DYNC2H1: variants seen among roughly 807,000 people sequenced by gnomAD.
DYNC2H1 encodes the protein dynein cytoplasmic 2 heavy chain 1, also known as cytoplasmic dynein 2 heavy chain 1.
A neutral mutation model predicts 570.0 loss-of-function variants in DYNC2H1; 410 were observed. The observed-to-expected ratio is 0.72, with a 90% confidence interval of 0.66 to 0.78. The LOEUF (loss-of-function observed/expected upper bound fraction) is 0.78, where lower values mean the gene tolerates loss of function less well. DYNC2H1 is among the 30% of genes least tolerant of loss of function. The pLI, the probability that DYNC2H1 is intolerant of heterozygous loss-of-function variation, is 0.00. For missense variants in DYNC2H1, 4,865 were observed against 5,046.4 expected (o/e 0.96, Z 1.09); for synonymous variants, 1,688 against 1,677.6 (o/e 1.01, Z -0.15).
Position 103,325,612 on chromosome 11 carries a change from G to C in DYNC2H1, c.12039+1622G>C, listed in dbSNP as rs931026561. Among the ~76,000 whole-genome samples, 1 of 152,062 alleles carries C rather than the reference G, an allele frequency of 6.6e-6. No homozygotes were observed. The highest frequency in any genetic ancestry group is 2.4e-5 in the African/African-American group (1 of 41,396). ...TTCTCTTTGTGGAGATCTTTCACCT[G>C]TATACTGCTGTTAATACTTCTGATT... On this transcript the variant is annotated intron_variant, in intron 82 of 88. Transcript: ENST00000375735. The surrounding 1 kb of genome is among the most constrained non-coding windows in gnomAD (Gnocchi z 4.8).
At chr11:103,396,944 A>C (rs1181996911) in intron 83 of DYNC2H1, among the ~76,000 whole-genome samples, 1 of 152,202 alleles carries the variant, frequency 6.6e-6, no homozygotes, top group Non-Finnish European at 1.5e-5. Context: ...GGACATACAA[A>C]GTGGAATAAT....
Position 103,287,616 on chromosome 11 carries a change from T to C in DYNC2H1, c.11095+11T>C. The C allele has an allele frequency of 6.2e-7, 1 of 1,604,190 alleles. No homozygotes were observed. The highest frequency in any genetic ancestry group is 8.5e-7 in the Non-Finnish European group (1 of 1,175,954). ...CATGTAAAACTCTGGGTAAGTGTGA[T>C]GCTTTTCAAGAACTAGACCACTGAC... On this transcript the variant is annotated intron_variant, in intron 75 of 88. Transcript: ENST00000375735.
intron 79 of DYNC2H1, among the ~76,000 whole-genome samples, chr11:103,316,292 C>T (rs1159860219): frequency 6.6e-6 from 1 of 151,736 alleles, no homozygotes; most frequent in African/African-American, 2.4e-5. Flanking sequence ...TCAGTTTGTT[C>T]TCTATGATTG....
rs746329488 is a variant in DYNC2H1, at chr11:103,184,852, A to G, written c.6478-44A>G. 1.4e-5 allele frequency: 23 copies of G among 1,605,400 alleles called. No individual in the cohort carries two copies. In the African/African-American group the frequency reaches 2.0e-4, roughly 14 times the overall value. On this transcript the variant is annotated intron_variant, in intron 40 of 88. Transcript: ENST00000375735. ...TGTATGGTTCTATGTTTACTGGTTAATAGTTGCCTTTTGTCTGTTTGTATC... is the reference window on the plus strand; with the variant it reads ...TGTATGGTTCTATGTTTACTGGTTAGTAGTTGCCTTTTGTCTGTTTGTATC...
At chr11:103,175,616 A>G (rs7939204) in intron 36 of DYNC2H1, among the ~76,000 whole-genome samples, 4,389 of 152,268 alleles carry the variant, frequency 0.029, 203 homozygotes, top group African/African-American at 0.099. Flanking sequence ...TGGCAGTGGT[A>G]TCAGTATTTG....
At chr11:103,287,390 A>G (rs993082023) in intron 74 of DYNC2H1, 143 bp from the exon 75 acceptor site, 4 of 661,812 alleles carry the variant, frequency 6.0e-6, no homozygotes, top group Non-Finnish European at 1.0e-5. Context: ...GTGACAGTTT[A>G]AAGCACAGTA....
intron 88 of DYNC2H1, among the ~76,000 whole-genome samples, chr11:103,474,975 A>G (rs1945507618): frequency 6.6e-6 from 1 of 152,204 alleles, no homozygotes; most frequent in South Asian, 2.1e-4. Flanking sequence ...TGCCCAAGGC[A>G]TGGGCAAATT....
In DYNC2H1 at chr11:103,281,937, C is replaced by CAT. The variant is rs1175464804; in HGVS notation, c.10762-234_10762-233dup. Among the ~76,000 whole-genome samples, 6 of 151,952 alleles carry CAT rather than the reference C, an allele frequency of 3.9e-5. No homozygotes were observed. In the South Asian group the frequency reaches 1.0e-3, roughly 26 times the overall value. On this transcript the variant is annotated intron_variant, in intron 71 of 88. Transcript: ENST00000375735. ...ATTTAAATTTTTAGACATTGAGACT[C>CAT]ATATATATAATGGAGTTGTTTTGTT...
chr11:103,135,980 C>T, intron 17 of DYNC2H1, 32 bp downstream of exon 17: 1 of 1,471,956 alleles, frequency 6.8e-7, no homozygotes, highest in Non-Finnish European at 9.1e-7. Flanking sequence ...ATCCTTCCAT[C>T]ATAAAATTAT....
chr11:103,341,894 T>C (rs4754921), intron 82 of DYNC2H1, among the ~76,000 whole-genome samples: 32,999 of 152,140 alleles, frequency 0.22, 3,716 homozygotes, highest in Admixed American at 0.31. Flanking sequence ...TTCAGTTCTC[T>C]CCATTGTAGG....
At chr11:103,444,998 T>C (rs1348808652) in intron 85 of DYNC2H1, among the ~76,000 whole-genome samples, 1 of 152,152 alleles carries the variant, frequency 6.6e-6, no homozygotes, top group African/African-American at 2.4e-5. Context: ...ATGAATAAGC[T>C]ATAGGGAGGA....
chr11:103,391,750 G>T (rs1408996077), intron 83 of DYNC2H1, among the ~76,000 whole-genome samples: 1 of 152,206 alleles, frequency 6.6e-6, no homozygotes, highest in African/African-American at 2.4e-5. Flanking sequence ...GTTAGAGTTT[G>T]CTGGAGGTCC....
chr11:103,437,201 T>C (rs1944094231), intron 85 of DYNC2H1, among the ~76,000 whole-genome samples: 1 of 152,116 alleles, frequency 6.6e-6, no homozygotes, highest in South Asian at 2.1e-4. Context: ...CACTTGAAAA[T>C]TCCTGTCCTT....
At chr11:103,150,662 G>A (rs1336270957) in intron 20 of DYNC2H1, among the ~76,000 whole-genome samples, 13 of 152,128 alleles carry the variant, frequency 8.5e-5, no homozygotes, top group Admixed American at 6.5e-4. Flanking sequence ...TGATACTTAA[G>A]CCTTGGGATT....
At chr11:103,213,860 T>C (rs1863261826) in intron 54 of DYNC2H1, among the ~76,000 whole-genome samples, 1 of 152,212 alleles carries the variant, frequency 6.6e-6, no homozygotes, top group Admixed American at 6.5e-5. Context: ...ATTTTCATTT[T>C]TGTTGCCTAT....
intron 65 of DYNC2H1, among the ~76,000 whole-genome samples, chr11:103,248,365 C>G (rs1280645866): frequency 6.6e-6 from 1 of 151,966 alleles, no homozygotes; most frequent in Non-Finnish European, 1.5e-5. Context: ...ATTCATCTAA[C>G]TCAGTTGATA....
intron 83 of DYNC2H1, among the ~76,000 whole-genome samples, chr11:103,391,661 A>G (rs1942156885): frequency 6.6e-6 from 1 of 152,146 alleles, no homozygotes; most frequent in South Asian, 2.1e-4. Context: ...ATGGTGATGT[A>G]CAGATGGGGT....
intron 83 of DYNC2H1, among the ~76,000 whole-genome samples, chr11:103,392,509 C>T (rs1942202833): frequency 6.6e-6 from 1 of 152,212 alleles, no homozygotes; most frequent in African/African-American, 2.4e-5. Flanking sequence ...CACTGTCCGA[C>T]AATCCGCAGT....
At chr11:103,140,379 C>T (rs2134811209) in intron 17 of DYNC2H1, among the ~76,000 whole-genome samples, 1 of 152,092 alleles carries the variant, frequency 6.6e-6, no homozygotes, top group African/African-American at 2.4e-5. Flanking sequence ...TGAGTGCTTC[C>T]TTCAGGAACT....
Sources: allele counts gnomAD v4.1 joint callset (sites outside exome capture counted in the v4.1 genomes callset), GRCh38; gene constraint gnomAD v4.1.1; non-coding constraint Gnocchi (gnomAD v3.1); transcripts MANE v1.5; gene names NCBI Gene and HGNC (gene_info 2026-07-23, HGNC 2026-07-21).